The following TRPV3 variants were observed in gnomAD, a reference collection of about 807,000 sequenced individuals.
The protein encoded by TRPV3 is VRL-3.
TRPV3 carries 88 observed loss-of-function variants against 87.1 expected under a neutral mutation model. The observed-to-expected ratio is 1.01, with a 90% CI of 0.85 to 1.21. The LOEUF (loss-of-function observed/expected upper bound fraction) is 1.21, where lower values mean the gene tolerates loss of function less well. Ranked by LOEUF, TRPV3 falls within the 50% of genes most tolerant of loss-of-function variation. The pLI is 0.00. For missense variants in TRPV3, 1,054 were observed against 1,030.1 expected, an observed-to-expected ratio of 1.02 and a Z score of -0.32; for synonymous variants, 438 against 423.3, an observed-to-expected ratio of 1.03 and a Z score of -0.43.
At chr17:3,523,987 CTG>C (rs1309695753) in intron 13 of TRPV3, among the ~76,000 whole-genome samples, 5 of 152,136 alleles carry the variant, frequency 3.3e-5, no homozygotes, top group African/African-American at 9.7e-5. Context: ...CCTCCACAAA[CTG>C]TACCCCTCCC....
At chr17:3,517,075 T>C (rs992355419) in intron 15 of TRPV3, among the ~76,000 whole-genome samples, 3 of 150,864 alleles carry the variant, frequency 2.0e-5, no homozygotes, top group African/African-American at 4.9e-5. Flanking sequence ...AACCTGGAGG[T>C]TGGAGTTTGC....
chr17:3,519,319 A>C (rs1483414461), intron 14 of TRPV3, among the ~76,000 whole-genome samples: 1 of 138,378 alleles, frequency 7.2e-6, no homozygotes, highest in Non-Finnish European at 1.6e-5. Context: ...TTCACTGCTG[A>C]ATGGTTGGAT....
chr17:3,516,426 C>T (rs769784660), intron 16 of TRPV3, 31 bp downstream of exon 16: 8 of 1,578,812 alleles, frequency 5.1e-6, no homozygotes, highest in Non-Finnish European at 6.1e-6. Flanking sequence ...CCCCAAAGAC[C>T]ACCACCCCAG....
intron 2 of TRPV3, among the ~76,000 whole-genome samples, chr17:3,545,884 G>A (rs2074519246): frequency 6.6e-6 from 1 of 151,570 alleles, no homozygotes; most frequent in Non-Finnish European, 1.5e-5. Context: ...CAGCTACTCG[G>A]GAGGCTGAGA....
At chr17:3,523,028 G>A (rs1437966008) in intron 13 of TRPV3, among the ~76,000 whole-genome samples, 1 of 151,914 alleles carries the variant, frequency 6.6e-6, no homozygotes, top group Non-Finnish European at 1.5e-5. Flanking sequence ...GAATAAGGGG[G>A]GACTACTGTA....
In TRPV3 at chr17:3,518,499, G is replaced by A. The variant is rs1182411554; in HGVS notation, c.2085+77C>T. On this transcript the variant is annotated intron_variant, in intron 15 of 17. Transcript: ENST00000576742. The surrounding 1 kb of genome is among the most constrained non-coding windows in gnomAD (Gnocchi z 4.3). ...CAGGCCCCACCTCAGACCCACTGGT[G>A]CTGACAGTAGTCAATGACCACGTGC... The A allele has an allele frequency of 6.8e-7, 1 of 1,460,468 alleles. No individual in the cohort carries two copies. Among genetic ancestry groups the A allele is most frequent in the African/African-American group, 1.4e-5 (1 of 70,886 alleles). The allele number at this position is 1,460,468 out of a possible 1,614,324, so 90.5% of individuals were successfully genotyped here.
Position 3,543,514 on chromosome 17 carries a change from C to T in TRPV3, c.426G>A (p.Leu142=), listed in dbSNP as rs2074488975. 1 of 1,613,898 alleles carries T rather than the reference C, an allele frequency of 6.2e-7. No individual in the cohort carries two copies. The highest frequency in any genetic ancestry group is 1.6e-4 in the Middle Eastern group (1 of 6,062). The change falls in exon 5 of 18, where the codon CTG becomes CTA. Residue 142 remains leucine, a synonymous_variant. Transcript: ENST00000576742. ...VEELVELLVE[L]QELCRRRHDE... Reference sequence around the variant, plus strand: ...CATGGCGCCGCCTGCAAAGCTCCTGCAGCTCCACCAGCAACTCTACCAACT... The same window carrying T: ...CATGGCGCCGCCTGCAAAGCTCCTGTAGCTCCACCAGCAACTCTACCAACT...
rs1349481271 is a variant in TRPV3, at chr17:3,512,422, AGAAACTG to A, written c.*1488_*1494del. The A allele has an allele frequency of 6.6e-6, 1 of 152,234 alleles. No homozygotes were observed. The highest frequency in any genetic ancestry group is 6.5e-5 in the Admixed American group (1 of 15,284). 9.4% of individuals were successfully genotyped at this position (152,234 alleles called of 1,614,324 possible). On this transcript the variant is annotated 3_prime_UTR_variant, in exon 18 of 18. Transcript: ENST00000576742. ...TGGCACACAGAGTGGCCCAGGGCAGAGAAACTGGCCCAGAGTGCACTGCTAGGCCCCG... is the reference window on the plus strand; with the variant it reads ...TGGCACACAGAGTGGCCCAGGGCAGAGCCCAGAGTGCACTGCTAGGCCCCG...
At chr17:3,552,183 CCTTTT>C (rs544771931) in intron 2 of TRPV3, 579 of 149,132 alleles carry the variant, frequency 3.9e-3, no homozygotes, top group African/African-American at 0.011. Flanking sequence ...CCACGCCTGG[CCTTTT>C]CTTTTCTTTT....
At chr17:3,527,079 T>C in intron 11 of TRPV3, 152 bp from the exon 12 acceptor site, 1 of 649,834 alleles carries the variant, frequency 1.5e-6, no homozygotes. Flanking sequence ...AAAGGGGACC[T>C]GTGCCTGGGG....
At chr17:3,519,482 TTGGATGGA>T (rs147735379) in intron 14 of TRPV3, among the ~76,000 whole-genome samples, 1 of 91,370 alleles carries the variant, frequency 1.1e-5, no homozygotes, top group Admixed American at 1.1e-4. Flanking sequence ...GGATAGATGA[TTGGATGGA>T]TGGATGGATG....
intron 11 of TRPV3, chr17:3,527,611 A>C: frequency 4.2e-6 from 1 of 237,548 alleles, no homozygotes. Context: ...GGATGGATGG[A>C]TGGATGGACG....
chr17:3,550,056 TGATG>T (rs369513708), intron 2 of TRPV3, among the ~76,000 whole-genome samples: 1 of 150,554 alleles, frequency 6.6e-6, no homozygotes, highest in Non-Finnish European at 1.5e-5. Flanking sequence ...GGTGAATAAA[TGATG>T]GATGGATGGA....
intron 2 of TRPV3, chr17:3,546,714 A>G (rs1466553836): frequency 2.2e-6 from 1 of 454,500 alleles, no homozygotes; most frequent in Non-Finnish European, 4.4e-6. Flanking sequence ...GTGGTGGCTC[A>G]TGCCTGTAAT....
chr17:3,528,752 TCA>T lies in TRPV3; in HGVS notation c.1401+83_1401+84del. 1 of 1,539,170 alleles carries T rather than the reference TCA, an allele frequency of 6.5e-7. No individual in the cohort carries two copies. The highest frequency in any genetic ancestry group is 8.8e-7 in the Non-Finnish European group (1 of 1,130,612). On this transcript the variant is annotated intron_variant, in intron 10 of 17. Transcript: ENST00000576742. This position sits in a 1 kb window ranked among gnomAD's most constrained non-coding sequence, Gnocchi z 4.2. ...CCCAATCTCCTGGTCTCTCTGGGCCTCAGTTTTCCCACCTGCACGTGGGGCAG... is the reference window on the plus strand; with the variant it reads ...CCCAATCTCCTGGTCTCTCTGGGCCTGTTTTCCCACCTGCACGTGGGGCAG...
Position 3,545,203 on chromosome 17 carries a change from A to G in TRPV3, c.188T>C (p.Val63Ala). 1.2e-6 allele frequency: 2 copies of G among 1,613,954 alleles called. No homozygotes were observed. The highest frequency in any genetic ancestry group is 1.7e-6 in the Non-Finnish European group (2 of 1,179,922). The change falls in exon 3 of 18, where the codon GTC becomes GCC. Residue 63 changes from valine (V) to alanine (A), a missense_variant. Physicochemically the swap from Val to Ala is moderately conservative, Grantham distance 64. Transcript: ENST00000576742. ...NPTVAKTSPP[V>A]FSKPMDSNIR... ...GTTGGAATCCATGGGCTTGGAGAAG[A>G]CAGGAGGAGAGGTCTTGGCAACTGT... is the stretch of plus-strand genomic sequence containing the variant.
rs2074104941 is a variant in TRPV3, at chr17:3,510,945, A to T, written c.*2972T>A. 2 of 152,284 alleles carry T rather than the reference A, an allele frequency of 1.3e-5. No individual in the cohort carries two copies. The highest frequency in any genetic ancestry group is 6.5e-5 in the Admixed American group (1 of 15,288). 9.4% of individuals were successfully genotyped at this position (152,284 alleles called of 1,614,324 possible). Reference sequence around the variant, plus strand: ...CACATCCCAGGGAGGAAGGTTAAGCACCTTTTATTCCTAACAGATATATCA... The same window carrying T: ...CACATCCCAGGGAGGAAGGTTAAGCTCCTTTTATTCCTAACAGATATATCA... On this transcript the variant is annotated 3_prime_UTR_variant, in exon 18 of 18. Transcript: ENST00000576742.
chr17:3,546,069 C>T (rs12451677), intron 2 of TRPV3, among the ~76,000 whole-genome samples: 29,203 of 151,486 alleles, frequency 0.19, 3,614 homozygotes, highest in East Asian at 0.46. Context: ...TTACTGAGCA[C>T]GTGTTGCACG....
At position 3,544,568 on chromosome 17, in the gene TRPV3, G is replaced by A. The variant is rs201932631; in HGVS notation, c.311+11C>T. ...TGGGCACAGTGGGTGGAGGGGGAGG[G>A]GCAGACTTACCTGGGGCTGTTGGGA... On this transcript the variant is annotated intron_variant, in intron 4 of 17. Transcript: ENST00000576742. The A allele has an allele frequency of 6.3e-7, 1 of 1,581,494 alleles. No homozygotes were observed.
Sources: allele counts gnomAD v4.1 joint callset (sites outside exome capture counted in the v4.1 genomes callset), GRCh38; gene constraint gnomAD v4.1.1; non-coding constraint Gnocchi (gnomAD v3.1); transcripts MANE v1.5; gene names NCBI Gene and HGNC (gene_info 2026-07-23, HGNC 2026-07-21).